PDE7B: variants seen among roughly 807,000 people sequenced by gnomAD.
PDE7B encodes 3',5'-cyclic-AMP phosphodiesterase 7B.
In PDE7B, 29 loss-of-function variants were observed where a neutral mutation model predicts 56.2. The observed-to-expected ratio is 0.52, with a 90% CI of 0.38 to 0.70. The LOEUF is 0.70. Ranked by LOEUF, PDE7B falls within the 30% of genes least tolerant of loss-of-function variation. The pLI is 0.00. For missense variants in PDE7B, 490 were observed against 565.0 expected (o/e 0.87, Z 1.35); for synonymous variants, 197 against 196.9 (o/e 1.00, Z 0.00).
chr6:135,905,376 G>A (rs1290540402), intron 1 of PDE7B, among the ~76,000 whole-genome samples: 7 of 149,568 alleles, frequency 4.7e-5, no homozygotes. Flanking sequence ...GTGTGTGTGT[G>A]TGTGAATACA....
chr6:135,852,536 A>G (rs1204055599), intron 1 of PDE7B, among the ~76,000 whole-genome samples: 1 of 152,178 alleles, frequency 6.6e-6, no homozygotes. Context: ...GCTGATAGTG[A>G]GACTGAAGGT....
intron 1 of PDE7B, among the ~76,000 whole-genome samples, chr6:135,937,369 ACTTCCCCAGC>A (rs1488010144): frequency 6.6e-6 from 1 of 152,098 alleles, no homozygotes; most frequent in Non-Finnish European, 1.5e-5. Flanking sequence ...GCCCCTGCCA[ACTTCCCCAGC>A]CTTGCGTCTC....
intron 2 of PDE7B, among the ~76,000 whole-genome samples, chr6:136,059,875 A>G (rs1320064376): frequency 1.3e-5 from 2 of 152,178 alleles, no homozygotes; most frequent in Non-Finnish European, 2.9e-5. Context: ...ACATCACTTT[A>G]TAGGAAGTAT....
intron 6 of PDE7B, among the ~76,000 whole-genome samples, chr6:136,151,941 A>AAAAT (rs142191170): frequency 3.0e-4 from 45 of 151,898 alleles, no homozygotes; most frequent in East Asian, 9.7e-4. Flanking sequence ...CTCTGTCTTA[A>AAAAT]AAATAAATAA....
intron 1 of PDE7B, among the ~76,000 whole-genome samples, chr6:135,916,947 C>T (rs1406144280): frequency 6.6e-6 from 1 of 151,878 alleles, no homozygotes; most frequent in Non-Finnish European, 1.5e-5. Context: ...TTTAATTTGG[C>T]AGTTGAATTT....
At chr6:135,880,599 G>A (rs1004533317) in intron 1 of PDE7B, among the ~76,000 whole-genome samples, 1 of 152,170 alleles carries the variant, frequency 6.6e-6, no homozygotes, top group African/African-American at 2.4e-5. Flanking sequence ...GCAACACCAT[G>A]AATATAAAGA....
intron 1 of PDE7B, among the ~76,000 whole-genome samples, chr6:135,853,954 T>C (rs1308774844): frequency 1.3e-5 from 2 of 152,220 alleles, no homozygotes; most frequent in Non-Finnish European, 2.9e-5. Flanking sequence ...ATTTTGGTCT[T>C]TTCATGTGTT....
chr6:136,110,322 G>A (rs1291163787), intron 3 of PDE7B, among the ~76,000 whole-genome samples: 3 of 152,178 alleles, frequency 2.0e-5, no homozygotes, highest in East Asian at 3.9e-4. Flanking sequence ...AGCTACCCAC[G>A]GAAGTTACAC....
At chr6:136,008,396 G>C (rs1775826423) in intron 2 of PDE7B, among the ~76,000 whole-genome samples, 1 of 152,164 alleles carries the variant, frequency 6.6e-6, no homozygotes, top group Non-Finnish European at 1.5e-5. Flanking sequence ...CTAGATCCCT[G>C]AGGAATCGCC....
At chr6:135,945,447 T>C (rs962179491) in intron 1 of PDE7B, among the ~76,000 whole-genome samples, 5 of 150,980 alleles carry the variant, frequency 3.3e-5, no homozygotes, top group African/African-American at 1.2e-4. Context: ...CAAAAGCAGC[T>C]TTCTTTCTTT....
At position 135,851,896 on chromosome 6, in the gene PDE7B, T is replaced by C; in HGVS notation, c.-103T>C. On this transcript the variant is annotated 5_prime_UTR_variant, in exon 1 of 13. Transcript: ENST00000308191. ...TGTTACTTAATTATATTCCTAATCC[T>C]GGATGAAGTTGCTGGATTCTGCAGC... 1.3e-6 allele frequency: 1 copy of C among 747,908 alleles called. No homozygotes were observed. Among genetic ancestry groups the C allele is most frequent in the East Asian group, 2.5e-5 (1 of 40,406 alleles). 46.3% of individuals were successfully genotyped at this position (747,908 alleles called of 1,614,324 possible).
chr6:136,005,307 G>T (rs1197971756), intron 2 of PDE7B, among the ~76,000 whole-genome samples: 10 of 152,286 alleles, frequency 6.6e-5, no homozygotes, highest in African/African-American at 2.4e-4. Flanking sequence ...AGGACTTCAT[G>T]TCTAAAACAC....
intron 8 of PDE7B, among the ~76,000 whole-genome samples, chr6:136,159,300 G>T (rs1211732050): frequency 6.6e-6 from 1 of 152,126 alleles, no homozygotes; most frequent in Non-Finnish European, 1.5e-5. Flanking sequence ...AATTTCTACA[G>T]TATGAAAGGT....
At chr6:135,919,801 G>A (rs951110734) in intron 1 of PDE7B, among the ~76,000 whole-genome samples, 3 of 152,158 alleles carry the variant, frequency 2.0e-5, no homozygotes, top group Non-Finnish European at 4.4e-5. Context: ...CGAAGGAGTT[G>A]CGAAAATTAA....
At chr6:136,161,634 T>A (rs1014281648) in intron 8 of PDE7B, among the ~76,000 whole-genome samples, 1 of 152,218 alleles carries the variant, frequency 6.6e-6, no homozygotes, top group South Asian at 2.1e-4. Flanking sequence ...ATTTTAAAAT[T>A]TCTTTGGATT....
chr6:136,164,861 T>C (rs545546258), intron 8 of PDE7B, among the ~76,000 whole-genome samples: 3 of 152,272 alleles, frequency 2.0e-5, no homozygotes, highest in African/African-American at 7.2e-5. Flanking sequence ...TTCATGTGGA[T>C]TTTTTTCAAT....
intron 12 of PDE7B, among the ~76,000 whole-genome samples, chr6:136,188,253 G>A (rs1423516738): frequency 2.8e-5 from 4 of 142,018 alleles, no homozygotes; most frequent in East Asian, 2.0e-4. Flanking sequence ...AGGTATGTTC[G>A]ATTATTGAGC....
At chr6:136,104,842 T>C (rs1777622514) in intron 2 of PDE7B, among the ~76,000 whole-genome samples, 1 of 152,204 alleles carries the variant, frequency 6.6e-6, no homozygotes. Context: ...GGGGCATTGT[T>C]AGGTTTATGA....
chr6:135,963,137 T>C (rs139081731), intron 2 of PDE7B, among the ~76,000 whole-genome samples: 98 of 152,290 alleles, frequency 6.4e-4, no homozygotes, highest in African/African-American at 2.2e-3. Context: ...CTAGTACACA[T>C]GCATGCACGT....
Sources: allele counts gnomAD v4.1 joint callset (sites outside exome capture counted in the v4.1 genomes callset), GRCh38; gene constraint gnomAD v4.1.1; transcripts MANE v1.5; gene names NCBI Gene and HGNC (gene_info 2026-07-23, HGNC 2026-07-21).